Variants in CEP250 observed in about 807,000 individuals in gnomAD.
The protein encoded by CEP250 is centrosome-associated protein CEP250.
CEP250 carries 242 observed loss-of-function variants against 315.7 expected under a neutral mutation model. The ratio of observed to expected loss-of-function variants is 0.77; its 90% CI spans 0.69 to 0.85. CEP250 has a LOEUF of 0.85. CEP250 is among the 40% of genes least tolerant of loss of function. The pLI is 0.00. For synonymous variants in CEP250, 1,088 were observed against 1,175.0 expected, an observed-to-expected ratio of 0.93 and a Z score of 1.51; for missense variants, 2,515 against 2,886.4, an observed-to-expected ratio of 0.87 and a Z score of 2.95.
rs749167005 is a variant in CEP250 at position 35,508,042 on chromosome 20, G to A, written c.6758G>A (p.Gly2253Glu). 23 of 1,614,170 alleles carry A rather than the reference G, an allele frequency of 1.4e-5. No homozygotes were observed. The highest frequency in any genetic ancestry group is 1.9e-5 in the Non-Finnish European group (23 of 1,180,032). The stretch of plus-strand genomic sequence containing the variant: ...CACAGGTCTTTCCCACAGGTCTCAG[G>A]AGTGGAGGCTGAGCCTAGTCCTGAT... ...EQGVQLGEVSGVEAEPSPDGM... is the reference protein window; with the variant it reads ...EQGVQLGEVSEVEAEPSPDGM... Residue 2253 changes from glycine (G) to glutamate (E), a missense_variant, in exon 32 of 35, where the codon GGA (glycine) becomes GAA (glutamate). Gly to Glu is a moderately conservative substitution (Grantham distance 98). Transcript: ENST00000397527.
chr20:35,473,574 C>CAGTCT, intron 13 of CEP250, 22 bp downstream of exon 13: 1 of 1,587,072 alleles, frequency 6.3e-7, no homozygotes, highest in African/African-American at 1.3e-5. Context: ...GGCTGTTCAT[C>CAGTCT]CCACCCTCCC....
At chr20:35,468,228 C>T (rs953058880) in intron 9 of CEP250, among the ~76,000 whole-genome samples, 7 of 152,144 alleles carry the variant, frequency 4.6e-5, no homozygotes, top group Non-Finnish European at 5.9e-5. Context: ...GGATTACAAG[C>T]GTGAGCCACT....
intron 1 of CEP250, among the ~76,000 whole-genome samples, chr20:35,457,814 C>T (rs1045620843): frequency 1.3e-5 from 2 of 151,974 alleles, no homozygotes; most frequent in Non-Finnish European, 2.9e-5. Context: ...CAAAACAAAA[C>T]ACTGGATGAG....
chr20:35,483,307 CG>C (rs1310457109), intron 20 of CEP250, among the ~76,000 whole-genome samples: 1 of 148,346 alleles, frequency 6.7e-6, no homozygotes, highest in Admixed American at 6.7e-5. Flanking sequence ...GCAACAAGAA[CG>C]AAACTCCGTC....
intron 24 of CEP250, 121 bp downstream of exon 24, chr20:35,494,778 G>A: frequency 9.0e-7 from 1 of 1,109,274 alleles, no homozygotes; most frequent in Admixed American, 2.3e-5. Flanking sequence ...GGATGTACAT[G>A]TAGCCATGTG....
In CEP250 at chr20:35,473,300, C is replaced by A; in HGVS notation, c.1210-74C>A. On this transcript the variant is annotated intron_variant, in intron 12 of 34. Transcript: ENST00000397527. Reference sequence around the variant, plus strand: ...ACCAGCCCCCGACCCCCTTCTCCAGCCCCACTTTCGGGGTTCTGACATCCC... The same window carrying A: ...ACCAGCCCCCGACCCCCTTCTCCAGACCCACTTTCGGGGTTCTGACATCCC... 4 of 1,368,926 alleles carry A rather than the reference C, an allele frequency of 2.9e-6. No individual in the cohort carries two copies. In the South Asian group the frequency reaches 5.7e-5, roughly 20 times the overall value. 84.8% of individuals were successfully genotyped at this position (1,368,926 alleles called of 1,614,324 possible).
chr20:35,490,995 G>A (rs1471773775), intron 21 of CEP250, 191 bp downstream of exon 21: 2 of 790,668 alleles, frequency 2.5e-6, no homozygotes, highest in African/African-American at 3.5e-5. Flanking sequence ...CATACTTCCT[G>A]AGGGAGGGCT....
chr20:35,498,679 A>AGCTT lies in CEP250; in HGVS notation c.3741_3744dup (p.His1249AlafsTer28). ...GAGGCAGTAGCATCTGCCCTCCACAAGCTTCATCAAGACCTGTGGAAGACT... is the reference window on the plus strand; with the variant it reads ...GAGGCAGTAGCATCTGCCCTCCACAAGCTTGCTTCATCAAGACCTGTGGAAGACT... On this transcript the variant is annotated frameshift_variant, in exon 27 of 35. Coordinates refer to ENST00000397527, the MANE Select transcript of CEP250 (RefSeq NM_007186.6). LOFTEE classifies it high-confidence loss of function. 1.2e-6 allele frequency: 2 copies of AGCTT among 1,603,382 alleles called. No individual in the cohort carries two copies. The highest frequency in any genetic ancestry group is 2.7e-5 in the African/African-American group (2 of 74,122).
In CEP250 at chr20:35,493,396, T is replaced by C. The variant is rs1232667160; in HGVS notation, c.2890-33T>C. ...AACCAGTATTTCTATGACACAGATTTCCTCTACTCAATGATTTCTTATCCC... is the reference window on the plus strand; with the variant it reads ...AACCAGTATTTCTATGACACAGATTCCCTCTACTCAATGATTTCTTATCCC... On this transcript the variant is annotated intron_variant, in intron 22 of 34. Transcript: ENST00000397527. The C allele has an allele frequency of 3.3e-6, 5 of 1,498,146 alleles. No individual in the cohort carries two copies. The African/African-American group carries it at 7.2e-5, about 21-fold the overall frequency. The allele number at this position is 1,498,146 out of a possible 1,614,324, so 92.8% of individuals were successfully genotyped here. A position where few individuals can be genotyped will look rare whatever the true frequency, so the allele number is the denominator to read the frequency against.
At chr20:35,496,959 G>A (rs2063854620) in intron 25 of CEP250, among the ~76,000 whole-genome samples, 1 of 151,676 alleles carries the variant, frequency 6.6e-6, no homozygotes, top group Admixed American at 6.5e-5. Context: ...ACAGCAAAGT[G>A]CACACGGGTG....
intron 9 of CEP250, among the ~76,000 whole-genome samples, chr20:35,468,165 T>TGAC (rs1205466811): frequency 6.6e-6 from 1 of 151,922 alleles, no homozygotes; most frequent in Non-Finnish European, 1.5e-5. Flanking sequence ...GTCAGGCTGG[T>TGAC]CTCAAACTCC....
In CEP250 at chr20:35,491,320, A is replaced by G. The variant is rs1462652214; in HGVS notation, c.2863A>G (p.Met955Val). 6 of 1,597,196 alleles carry G rather than the reference A, an allele frequency of 3.8e-6. No homozygotes were observed. The highest frequency in any genetic ancestry group is 3.4e-6 in the Non-Finnish European group (4 of 1,171,408). ...ACAACTGGAACGACTGAGGCAGGAC[A>G]TGAAAGTCCAGAAATTAAAGGAGCA... is the stretch of plus-strand genomic sequence containing the variant. ...SQQLERLRQD[M>V]KVQKLKEQET... The change falls in exon 22 of 35, where the codon ATG becomes GTG. Residue 955 changes from methionine to valine, a missense_variant. Met to Val is a conservative substitution (Grantham distance 21, BLOSUM62 1). Transcript: ENST00000397527.
chr20:35,464,558 C>G (rs1329706526), intron 5 of CEP250, among the ~76,000 whole-genome samples: 7 of 152,172 alleles, frequency 4.6e-5, no homozygotes, highest in African/African-American at 1.7e-4. Flanking sequence ...AGCAATCCTC[C>G]CACTGCTGGG....
Position 35,511,672 on chromosome 20 carries a change from A to G in CEP250, c.*46A>G. On this transcript the variant is annotated 3_prime_UTR_variant, in exon 35 of 35. Coordinates refer to ENST00000397527, the MANE Select transcript of CEP250 (RefSeq NM_007186.6). ...CAGACAGAAGACTGTGTCATGGGTC[A>G]TGGCCCCTCCGCACACCTACAGGTT... 1 of 1,568,514 alleles carries G rather than the reference A, an allele frequency of 6.4e-7. No homozygotes were observed. The highest frequency in any genetic ancestry group is 8.7e-7 in the Non-Finnish European group (1 of 1,153,534).
intron 9 of CEP250, among the ~76,000 whole-genome samples, chr20:35,467,845 T>C (rs905278744): frequency 6.6e-6 from 1 of 151,294 alleles, no homozygotes. Context: ...GCCAAGCTCT[T>C]CCCCCTCCCT....
intron 22 of CEP250, 54 bp downstream of exon 22, chr20:35,491,400 C>T (rs560936952): frequency 1.1e-5 from 17 of 1,543,766 alleles, no homozygotes; most frequent in East Asian, 4.9e-5. Flanking sequence ...TTTACCCATT[C>T]GACCATGAAG....
chr20:35,484,021 T>C (rs1385722710), intron 20 of CEP250, among the ~76,000 whole-genome samples: 1 of 152,168 alleles, frequency 6.6e-6, no homozygotes, highest in African/African-American at 2.4e-5. Flanking sequence ...ATATGAAACA[T>C]ACTTGTGTCC....
chr20:35,517,282 G>A lies in CEP250; in HGVS notation c.*5656G>A, dbSNP rs1239111547. ...GCCCAATAGAGTCCTTCATCTTGGT[G>A]TTCAGCCCAGGGTCCAGCTGCCAAG... is the stretch of plus-strand genomic sequence containing the variant. On this transcript the variant is annotated 3_prime_UTR_variant, in exon 35 of 35. Transcript: ENST00000397527. 2.0e-5 allele frequency: 3 copies of A among 152,228 alleles called. No homozygotes were observed. The highest frequency in any genetic ancestry group is 6.5e-5 in the Admixed American group (1 of 15,278). The allele number at this position is 152,228 out of a possible 1,614,324, so 9.4% of individuals were successfully genotyped here.
rs751196146 is a variant in CEP250 at position 35,503,602 on chromosome 20, A to G, written c.5233A>G (p.Ile1745Val). Residue 1745 changes from isoleucine to valine, a missense_variant, in exon 30 of 35, where the codon ATC becomes GTC. Ile to Val is a conservative substitution (Grantham distance 29, BLOSUM62 3). Transcript: ENST00000397527. The surrounding 1 kb of genome is among the most constrained non-coding windows in gnomAD (Gnocchi z 4.2). Reference sequence around the variant, plus strand: ...GGAGGTGGAATGTCAGCAGGAGCATATCCATGAACTCCAGGAGCTCAAAGA... The same window carrying G: ...GGAGGTGGAATGTCAGCAGGAGCATGTCCATGAACTCCAGGAGCTCAAAGA... ...EKEVECQQEH[I>V]HELQELKDQL... The G allele has an allele frequency of 6.2e-7, 1 of 1,614,124 alleles. No homozygotes were observed. Among genetic ancestry groups the G allele is most frequent in the Non-Finnish European group, 8.5e-7 (1 of 1,180,012 alleles).
Sources: allele counts gnomAD v4.1 joint callset (sites outside exome capture counted in the v4.1 genomes callset), GRCh38; gene constraint gnomAD v4.1.1; non-coding constraint Gnocchi (gnomAD v3.1); transcripts MANE v1.5; gene names NCBI Gene and HGNC (gene_info 2026-07-23, HGNC 2026-07-21).